CTNNBL1: variants seen among roughly 807,000 people sequenced by gnomAD.
CTNNBL1 encodes the protein beta-catenin-like protein 1.
Under a neutral mutation model 72.7 loss-of-function variants are expected in CTNNBL1, and 31 were observed. The observed-to-expected ratio is 0.43, with a 90% CI of 0.32 to 0.58. The LOEUF (loss-of-function observed/expected upper bound fraction) is 0.58, where lower values mean the gene tolerates loss of function less well. Ranked by LOEUF, CTNNBL1 falls within the 20% of genes least tolerant of loss-of-function variation. The probability of loss-of-function intolerance (pLI) is 0.08; values close to 1 mark genes in which losing one functional copy is unlikely to be tolerated. For missense variants in CTNNBL1, 534 were observed against 725.1 expected (o/e 0.74, Z 3.03); for synonymous variants, 240 against 267.3 (o/e 0.90, Z 1.00).
intron 13 of CTNNBL1, among the ~76,000 whole-genome samples, chr20:37,845,950 C>G (rs751916326): frequency 2.0e-4 from 31 of 152,298 alleles, no homozygotes; most frequent in Non-Finnish European, 1.5e-4. Context: ...CTTCAGACTT[C>G]TCTGGGCACA....
intron 15 of CTNNBL1, among the ~76,000 whole-genome samples, chr20:37,864,793 G>A (rs1396879875): frequency 6.6e-6 from 1 of 150,398 alleles, no homozygotes; most frequent in East Asian, 2.0e-4. Flanking sequence ...GTCAGTTACT[G>A]CTGACTGGGG....
chr20:37,805,113 G>A (rs2071942797), intron 11 of CTNNBL1, among the ~76,000 whole-genome samples: 1 of 152,280 alleles, frequency 6.6e-6, no homozygotes, highest in South Asian at 2.1e-4. Flanking sequence ...TGGAGGCAGA[G>A]CAGAGCAGTG....
chr20:37,850,164 G>A (rs988140565), intron 13 of CTNNBL1, among the ~76,000 whole-genome samples: 1 of 149,658 alleles, frequency 6.7e-6, no homozygotes, highest in Non-Finnish European at 1.5e-5. Context: ...CAAGACCAGA[G>A]TATAAGTTGT....
intron 11 of CTNNBL1, among the ~76,000 whole-genome samples, chr20:37,821,573 T>C (rs2072107763): frequency 6.6e-6 from 1 of 152,220 alleles, no homozygotes; most frequent in Non-Finnish European, 1.5e-5. Context: ...AGACATCATG[T>C]AATTTTACCT....
intron 10 of CTNNBL1, among the ~76,000 whole-genome samples, chr20:37,780,831 G>A (rs541450586): frequency 6.6e-6 from 1 of 152,070 alleles, no homozygotes; most frequent in East Asian, 1.9e-4. Flanking sequence ...TTGTTATAAC[G>A]GTGTTATTTG....
chr20:37,857,862 A>AAC (rs1188530121), intron 13 of CTNNBL1, among the ~76,000 whole-genome samples: 1 of 152,108 alleles, frequency 6.6e-6, no homozygotes, highest in Non-Finnish European at 1.5e-5. Context: ...ACAAGTCCCC[A>AAC]CACCGAGTTC....
intron 5 of CTNNBL1, among the ~76,000 whole-genome samples, chr20:37,758,472 C>T (rs759070414): frequency 2.6e-5 from 4 of 152,230 alleles, no homozygotes; most frequent in Admixed American, 6.5e-5. Flanking sequence ...TCGCTCAGCC[C>T]GTCCTGTGAC....
intron 13 of CTNNBL1, among the ~76,000 whole-genome samples, chr20:37,848,655 C>T (rs2072368155): frequency 6.6e-6 from 1 of 152,170 alleles, no homozygotes; most frequent in African/African-American, 2.4e-5. Context: ...CAATCACAAT[C>T]ATCCTTTTTA....
intron 11 of CTNNBL1, among the ~76,000 whole-genome samples, chr20:37,824,404 G>A (rs62208411): frequency 0.01 from 1,580 of 152,310 alleles, 15 homozygotes; most frequent in South Asian, 0.03. Context: ...TGGATTGTGT[G>A]GCTGCTTCCA....
chr20:37,702,931 TG>T (rs1420523114), intron 1 of CTNNBL1, among the ~76,000 whole-genome samples: 12 of 152,226 alleles, frequency 7.9e-5, no homozygotes, highest in African/African-American at 2.9e-4. Flanking sequence ...GGAAAGCTCT[TG>T]TTCTACTATC....
chr20:37,853,932 T>C lies in CTNNBL1; in HGVS notation c.1393-5967T>C, dbSNP rs184923544. On this transcript the variant is annotated intron_variant, in intron 13 of 15. Transcript: ENST00000361383. ...CACTGCATGCTGGTTTCTATGGCAC[T>C]TCTAAAACTGTCAGGGCAGAAACTT... is the stretch of plus-strand genomic sequence containing the variant. Among the ~76,000 whole-genome samples the C allele has an allele frequency of 3.3e-5, 5 of 152,364 alleles. No individual in the cohort carries two copies. The East Asian group carries it at 7.7e-4, about 23-fold the overall frequency.
chr20:37,772,733 T>G (rs371165009), intron 7 of CTNNBL1, among the ~76,000 whole-genome samples: 1 of 152,306 alleles, frequency 6.6e-6, no homozygotes, highest in East Asian at 1.9e-4. Context: ...TATGTCTAGA[T>G]TGCTTGATAA....
At chr20:37,739,958 C>G (rs1052578902) in intron 3 of CTNNBL1, among the ~76,000 whole-genome samples, 6 of 152,152 alleles carry the variant, frequency 3.9e-5, no homozygotes, top group Non-Finnish European at 8.8e-5. Flanking sequence ...TCTTTGAACA[C>G]CAGTATTTCC....
At chr20:37,848,167 T>TTTTTA (rs2072363079) in intron 13 of CTNNBL1, among the ~76,000 whole-genome samples, 1 of 99,534 alleles carries the variant, frequency 1.0e-5, no homozygotes, top group African/African-American at 3.7e-5. Context: ...TTTTTTTTTT[T>TTTTTA]GAGACAGGAT....
rs928769597 is a variant in CTNNBL1 at position 37,820,652 on chromosome 20, G to A, written c.1213+17604G>A. ...CGAAATCCAATGGTTTAAAAGTGGC[G>A]GCTTCCCCCACGCGCTCTCTCTGTC... On this transcript the variant is annotated intron_variant, in intron 11 of 15. Transcript: ENST00000361383. 9.2e-5 allele frequency among the ~76,000 whole-genome samples: 14 copies of A among 152,170 alleles called. No homozygotes were observed. The South Asian group carries it at 1.2e-3, about 14-fold the overall frequency.
At chr20:37,734,475 G>A (rs1437275786) in intron 2 of CTNNBL1, among the ~76,000 whole-genome samples, 1 of 152,218 alleles carries the variant, frequency 6.6e-6, no homozygotes, top group Non-Finnish European at 1.5e-5. Context: ...TTCCCATGTA[G>A]GGCAAGGCTG....
intron 1 of CTNNBL1, among the ~76,000 whole-genome samples, chr20:37,712,407 A>T (rs554282038): frequency 6.6e-6 from 1 of 152,342 alleles, no homozygotes; most frequent in Non-Finnish European, 1.5e-5. Flanking sequence ...TGAAGTGATG[A>T]TTAAATATCA....
intron 11 of CTNNBL1, among the ~76,000 whole-genome samples, chr20:37,816,154 T>G (rs1471065641): frequency 6.6e-6 from 1 of 152,334 alleles, no homozygotes; most frequent in East Asian, 1.9e-4. Context: ...TGTTTCCAGG[T>G]AGCCAAACAA....
chr20:37,862,138 A>C (rs1231747851), intron 15 of CTNNBL1, among the ~76,000 whole-genome samples: 1 of 152,166 alleles, frequency 6.6e-6, no homozygotes, highest in Non-Finnish European at 1.5e-5. Flanking sequence ...AGCCCCACTC[A>C]TGCCTTCCGG....
Sources: allele counts gnomAD v4.1 joint callset (sites outside exome capture counted in the v4.1 genomes callset), GRCh38; gene constraint gnomAD v4.1.1; transcripts MANE v1.5; gene names NCBI Gene and HGNC (gene_info 2026-07-23, HGNC 2026-07-21).